Variants in RBM20 observed in about 807,000 individuals in gnomAD.
RBM20 encodes the protein RNA binding motif protein 20.
In RBM20, 51 loss-of-function variants were observed where a neutral mutation model predicts 110.1. The ratio of observed to expected loss-of-function variants is 0.46; its 90% CI spans 0.37 to 0.59. RBM20 has a LOEUF of 0.59. RBM20 is among the 20% of genes least tolerant of loss of function. RBM20 has a pLI of 0.00. For missense variants in RBM20, 1,512 were observed against 1,574.9 expected, an observed-to-expected ratio of 0.96 and a Z score of 0.68; for synonymous variants, 589 against 618.2, an observed-to-expected ratio of 0.95 and a Z score of 0.70.
intron 1 of RBM20, among the ~76,000 whole-genome samples, chr10:110,684,375 C>T (rs1308368163): frequency 2.0e-5 from 3 of 151,456 alleles, no homozygotes; most frequent in Non-Finnish European, 1.5e-5. Context: ...GCCTGGGTGA[C>T]AGAGTGAGAC....
chr10:110,778,641 C>G (rs931297498), intron 1 of RBM20, among the ~76,000 whole-genome samples: 1 of 152,226 alleles, frequency 6.6e-6, no homozygotes, highest in Admixed American at 6.5e-5. Context: ...TCCAGTTTTC[C>G]AGTCCCCTTC....
At chr10:110,752,955 T>A in intron 1 of RBM20, among the ~76,000 whole-genome samples, 1 of 142,438 alleles carries the variant, frequency 7.0e-6, no homozygotes, top group African/African-American at 2.6e-5. Flanking sequence ...ATTTTTTTTT[T>A]TTTTATGAAG....
At chr10:110,652,342 G>A (rs72834018) in intron 1 of RBM20, among the ~76,000 whole-genome samples, 3,000 of 152,174 alleles carry the variant, frequency 0.02, 69 homozygotes, top group Non-Finnish European at 0.023. Context: ...TCTAACTCTG[G>A]GTGGGGCAAT....
At chr10:110,700,528 G>A (rs1011827435) in intron 1 of RBM20, among the ~76,000 whole-genome samples, 19 of 152,172 alleles carry the variant, frequency 1.2e-4, no homozygotes, top group African/African-American at 4.1e-4. Context: ...TGGAGGCAGA[G>A]GCCTAGGTTT....
chr10:110,711,091 G>A (rs1341269403), intron 1 of RBM20, among the ~76,000 whole-genome samples: 1 of 151,944 alleles, frequency 6.6e-6, no homozygotes, highest in African/African-American at 2.4e-5. Flanking sequence ...GGGCGATTGT[G>A]GCCACCCCTA....
intron 7 of RBM20, among the ~76,000 whole-genome samples, chr10:110,801,441 A>G (rs1052900771): frequency 2.0e-5 from 3 of 151,588 alleles, no homozygotes; most frequent in Non-Finnish European, 4.4e-5. Context: ...AAAAAAAAAA[A>G]AGTTTTCAAT....
At chr10:110,714,117 T>G (rs1024891320) in intron 1 of RBM20, among the ~76,000 whole-genome samples, 3 of 152,136 alleles carry the variant, frequency 2.0e-5, no homozygotes, top group African/African-American at 7.2e-5. Flanking sequence ...AAGAGGACTT[T>G]GGGACATGCT....
Position 110,799,782 on chromosome 10 carries a change from C to G in RBM20, c.1669-5C>G, listed in dbSNP as rs1458302599. The G allele has an allele frequency of 6.5e-7, 1 of 1,550,072 alleles. No individual in the cohort carries two copies. Among genetic ancestry groups the G allele is most frequent in the Admixed American group, 2.0e-5 (1 of 50,854 alleles). ...TCCAGTGAGTGTCCTTCCTTTCTTT[C>G]TTAGGCCTTTTTAGAGATGGCTTAC... On this transcript the variant is annotated splice_region_variant and splice_polypyrimidine_tract_variant and intron_variant, in intron 6 of 13. Coordinates refer to ENST00000369519, the MANE Select transcript of RBM20 (RefSeq NM_001134363.3).
chr10:110,697,778 C>G (rs1464909246), intron 1 of RBM20, among the ~76,000 whole-genome samples: 1 of 152,202 alleles, frequency 6.6e-6, no homozygotes, highest in Non-Finnish European at 1.5e-5. Flanking sequence ...GAAGTCTTCA[C>G]TGACCAGCCC....
At chr10:110,752,499 A>G (rs772248566) in intron 1 of RBM20, among the ~76,000 whole-genome samples, 13 of 152,250 alleles carry the variant, frequency 8.5e-5, no homozygotes, top group Non-Finnish European at 1.6e-4. Flanking sequence ...TAAAGCTGCT[A>G]TAAACATCTG....
intron 1 of RBM20, among the ~76,000 whole-genome samples, chr10:110,705,109 G>C (rs1547785): frequency 0.96 from 146,622 of 152,298 alleles, 70,816 homozygotes; most frequent in East Asian, 1. Context: ...CCAAGTCACA[G>C]AGTGGTTTTC....
chr10:110,725,049 G>T (rs1287845859), intron 1 of RBM20, among the ~76,000 whole-genome samples: 3 of 152,160 alleles, frequency 2.0e-5, no homozygotes, highest in Non-Finnish European at 4.4e-5. Flanking sequence ...TATTAAGCAA[G>T]TGACACCACT....
chr10:110,823,431 CTTTT>C (rs201149204), intron 11 of RBM20, 45 bp from the exon 12 acceptor site: 805 of 1,302,282 alleles, frequency 6.2e-4, no homozygotes, highest in African/African-American at 4.2e-3. Context: ...TGTTGTATTT[CTTTT>C]TTTTTTTTTT....
chr10:110,650,903 A>G (rs1564805895), intron 1 of RBM20, among the ~76,000 whole-genome samples: 2 of 152,182 alleles, frequency 1.3e-5, no homozygotes, highest in Admixed American at 6.5e-5. Flanking sequence ...TTTATTTTGA[A>G]TTAATTATTG....
At chr10:110,720,636 T>C (rs976912002) in intron 1 of RBM20, among the ~76,000 whole-genome samples, 9 of 151,788 alleles carry the variant, frequency 5.9e-5, no homozygotes, top group African/African-American at 1.7e-4. Flanking sequence ...CTGCAGTGCC[T>C]GTCCCACCCT....
intron 1 of RBM20, among the ~76,000 whole-genome samples, chr10:110,760,000 T>C (rs1465971671): frequency 6.6e-6 from 1 of 152,180 alleles, no homozygotes; most frequent in Non-Finnish European, 1.5e-5. Flanking sequence ...AGCTCAGTGG[T>C]GGTGGGGGGC....
intron 1 of RBM20, among the ~76,000 whole-genome samples, chr10:110,734,217 GT>G (rs1403276217): frequency 6.6e-6 from 1 of 152,172 alleles, no homozygotes; most frequent in East Asian, 1.9e-4. Context: ...GGTCTCATTT[GT>G]GTCCCAGGAG....
intron 1 of RBM20, among the ~76,000 whole-genome samples, chr10:110,698,848 A>C (rs1167513829): frequency 6.6e-6 from 1 of 152,164 alleles, no homozygotes; most frequent in African/African-American, 2.4e-5. Context: ...TCAGTGGTAT[A>C]TGCCTGCTCT....
chr10:110,686,371 C>T (rs1862504845), intron 1 of RBM20, among the ~76,000 whole-genome samples: 1 of 151,978 alleles, frequency 6.6e-6, no homozygotes, highest in African/African-American at 2.4e-5. Flanking sequence ...GAAGTATGAG[C>T]CTCCTTCCCC....
Sources: allele counts gnomAD v4.1 joint callset (sites outside exome capture counted in the v4.1 genomes callset), GRCh38; gene constraint gnomAD v4.1.1; transcripts MANE v1.5; gene names NCBI Gene and HGNC (gene_info 2026-07-23, HGNC 2026-07-21).